The following MYO3A variants were observed in gnomAD, a reference collection of about 807,000 sequenced individuals.
The protein encoded by MYO3A is myosin-IIIa.
A neutral mutation model predicts 192.7 loss-of-function variants in MYO3A; 180 were observed. That is an observed-to-expected ratio of 0.93 (90% CI 0.83 to 1.06). MYO3A has a LOEUF of 1.06. Ranked by LOEUF, MYO3A falls within the 50% of genes least tolerant of loss-of-function variation. The pLI is 0.00. For synonymous variants in MYO3A, 628 were observed against 645.3 expected, an observed-to-expected ratio of 0.97 and a Z score of 0.41; for missense variants, 1,896 against 1,905.0, an observed-to-expected ratio of 1.00 and a Z score of 0.09.
rs202160908 is a variant in MYO3A, at chr10:26,173,725, C to T, written c.3461C>T (p.Ala1154Val). Residue 1154 changes from alanine (A) to valine (V), a missense_variant, in exon 30 of 35, where the codon GCT becomes GTT. Coordinates refer to ENST00000642920, the MANE Select transcript of MYO3A (RefSeq NM_017433.5). ...AISANERFISAPNNKGSVSVV... is the reference protein window; with the variant it reads ...AISANERFISVPNNKGSVSVV... ...TCTGCTAATGAAAGATTCATTTCAG[C>T]TCCAAATAATAAAGGAAGTGTATCT... 2 of 1,613,936 alleles carry T rather than the reference C, an allele frequency of 1.2e-6. No homozygotes were observed. The highest frequency in any genetic ancestry group is 2.7e-5 in the African/African-American group (2 of 75,022).
Position 26,131,078 on chromosome 10 carries a change from G to A in MYO3A, c.2262+2540G>A, listed in dbSNP as rs145380072. ...ATGAGACTTACAAATGATCCGGCCA[G>A]ATCTCGGCACAAGTCTTGGGCAGCA... On this transcript the variant is annotated intron_variant, in intron 20 of 34. Coordinates refer to ENST00000642920, the MANE Select transcript of MYO3A (RefSeq NM_017433.5). Among the ~76,000 whole-genome samples the A allele has an allele frequency of 1.2e-4, 18 of 152,270 alleles. No individual in the cohort carries two copies. In the East Asian group the frequency reaches 2.5e-3, roughly 21 times the overall value.
intron 34 of MYO3A, 33 bp downstream of exon 34, chr10:26,203,140 C>T: frequency 3.8e-6 from 6 of 1,597,980 alleles, no homozygotes; most frequent in Non-Finnish European, 5.1e-6. Context: ...ACATCATTTG[C>T]AGTTTTATAC....
At chr10:25,989,648 G>GT (rs1469883562) in intron 4 of MYO3A, among the ~76,000 whole-genome samples, 1 of 151,996 alleles carries the variant, frequency 6.6e-6, no homozygotes, top group Non-Finnish European at 1.5e-5. Context: ...CTGGCACAAA[G>GT]TAAGTATGCA....
At chr10:26,079,245 G>A (rs867972000) in intron 14 of MYO3A, among the ~76,000 whole-genome samples, 25 of 152,038 alleles carry the variant, frequency 1.6e-4, no homozygotes, top group African/African-American at 5.3e-4. Flanking sequence ...CTTGGACAAG[G>A]CCTTTTACCA....
intron 10 of MYO3A, among the ~76,000 whole-genome samples, chr10:26,062,424 G>A (rs34610554): frequency 0.47 from 68,634 of 147,116 alleles, 16,885 homozygotes; most frequent in Middle Eastern, 0.57. Context: ...GGCTGAGGCA[G>A]GAGAATTGCT....
At chr10:26,185,271 A>G (rs1343187203) in intron 31 of MYO3A, among the ~76,000 whole-genome samples, 1 of 150,702 alleles carries the variant, frequency 6.6e-6, no homozygotes, top group Admixed American at 6.6e-5. Context: ...TCCATGATAC[A>G]CTAACATGCA....
chr10:26,099,273 T>C (rs1181318675), intron 17 of MYO3A, among the ~76,000 whole-genome samples: 1 of 152,214 alleles, frequency 6.6e-6, no homozygotes, highest in Non-Finnish European at 1.5e-5. Flanking sequence ...ATCCTGAGAC[T>C]TTGCTGAAGT....
At chr10:26,030,056 T>C (rs1243875387) in intron 10 of MYO3A, among the ~76,000 whole-genome samples, 4 of 152,162 alleles carry the variant, frequency 2.6e-5, no homozygotes, top group Admixed American at 1.3e-4. Flanking sequence ...TGGCTCCATA[T>C]AAAAGGAAGA....
In MYO3A at chr10:26,060,990, G is replaced by A. The variant is rs540005793; in HGVS notation, c.954-5985G>A. Among the ~76,000 whole-genome samples, 14 of 152,070 alleles carry A rather than the reference G, an allele frequency of 9.2e-5. No individual in the cohort carries two copies. In the East Asian group the frequency reaches 2.7e-3, roughly 29 times the overall value. ...GTCACCCAGGCTGGAGTGCAGGGGT[G>A]CAATCTCAGCTCACTGCAAGCTCCG... On this transcript the variant is annotated intron_variant, in intron 10 of 34. Coordinates refer to ENST00000642920, the MANE Select transcript of MYO3A (RefSeq NM_017433.5).
intron 14 of MYO3A, among the ~76,000 whole-genome samples, chr10:26,083,233 T>C (rs10828949): frequency 0.15 from 22,255 of 152,152 alleles, 1,880 homozygotes; most frequent in East Asian, 0.35. Context: ...GCTACTAAGT[T>C]GGGTAACAGG....
intron 2 of MYO3A, among the ~76,000 whole-genome samples, chr10:25,940,214 A>G (rs1836391665): frequency 1.3e-5 from 2 of 151,668 alleles, no homozygotes; most frequent in African/African-American, 4.8e-5. Context: ...TTGTTATTTC[A>G]TGCTGTCTAT....
rs1842168194 is a variant in MYO3A, at chr10:26,173,712, A to G, written c.3448A>G (p.Arg1150Gly). The G allele has an allele frequency of 1.9e-6, 3 of 1,613,958 alleles. No homozygotes were observed. The East Asian group carries it at 6.7e-5, about 36-fold the overall frequency. Residue 1150 changes from arginine (R) to glycine (G), a missense_variant, in exon 30 of 35, where the codon AGA becomes GGA. Coordinates refer to ENST00000642920, the MANE Select transcript of MYO3A (RefSeq NM_017433.5). ...QAENAISANERFISAPNNKGS... is the reference protein window; with the variant it reads ...QAENAISANEGFISAPNNKGS... ...AGAAAATGCAATCTCTGCTAATGAA[A>G]GATTCATTTCAGCTCCAAATAATAA...
At chr10:26,073,905 A>G (rs12767114) in intron 14 of MYO3A, among the ~76,000 whole-genome samples, 72,072 of 151,754 alleles carry the variant, frequency 0.47, 17,914 homozygotes, top group Middle Eastern at 0.59. Context: ...TGCGATGGGG[A>G]TTACATGATG....
rs373031024 is a variant in MYO3A, at chr10:26,080,394, A to G, written c.1360-7809A>G. 2.9e-4 allele frequency among the ~76,000 whole-genome samples: 44 copies of G among 152,010 alleles called. No individual in the cohort carries two copies. The East Asian group carries it at 6.4e-3, about 22-fold the overall frequency. ...TGAATTTTTTATTGCTTTTTCTTTA[A>G]GCTATCTATTTCCTTGAATATTTCT... On this transcript the variant is annotated intron_variant, in intron 14 of 34. Transcript: ENST00000642920.
At chr10:26,210,695 C>T (rs1844183417) in intron 34 of MYO3A, among the ~76,000 whole-genome samples, 1 of 152,154 alleles carries the variant, frequency 6.6e-6, no homozygotes, top group Non-Finnish European at 1.5e-5. Context: ...TATCTGAACA[C>T]TAAATTATCC....
rs190389048 is a variant in MYO3A at position 26,003,582 on chromosome 10, A to C, written c.508+6324A>C. Among the ~76,000 whole-genome samples, 448 of 152,296 alleles carry C rather than the reference A, an allele frequency of 2.9e-3. 3 individuals carry two copies. Among genetic ancestry groups the C allele is most frequent in the African/African-American group, 0.01 (434 of 41,554 alleles). On this transcript the variant is annotated intron_variant, in intron 6 of 34. Coordinates refer to ENST00000642920, the MANE Select transcript of MYO3A (RefSeq NM_017433.5). ...GTGAGGTTATAAATATTATTAATGA[A>C]ATGTATTAGCCATTACTGGTATATG...
intron 15 of MYO3A, among the ~76,000 whole-genome samples, chr10:26,090,199 C>T (rs1185174807): frequency 6.6e-6 from 1 of 152,194 alleles, no homozygotes; most frequent in Non-Finnish European, 1.5e-5. Flanking sequence ...ATGGCACCAC[C>T]ATGTTGCACA....
chr10:25,957,797 G>A (rs1378398007), intron 4 of MYO3A, among the ~76,000 whole-genome samples: 3 of 152,196 alleles, frequency 2.0e-5, no homozygotes, highest in Non-Finnish European at 2.9e-5. Context: ...TGACTGGTGT[G>A]AGACGGTATC....
intron 4 of MYO3A, among the ~76,000 whole-genome samples, chr10:25,990,670 C>G (rs1372569040): frequency 8.5e-6 from 1 of 117,088 alleles, no homozygotes; most frequent in East Asian, 2.7e-4. Flanking sequence ...CCTCCCCCCA[C>G]CCCACAACAG....
Sources: gnomAD v4.1 joint callset for allele counts (sites outside exome capture counted in the v4.1 genomes callset) on GRCh38, gnomAD v4.1.1 for gene constraint, MANE v1.5 for transcripts, NCBI Gene and HGNC (gene_info 2026-07-23, HGNC 2026-07-21) for gene names.